CHRM5: variants seen among roughly 807,000 people sequenced by gnomAD.
The protein encoded by CHRM5 is cholinergic receptor muscarinic 5, also known as muscarinic acetylcholine receptor M5.
A neutral mutation model predicts 39.0 loss-of-function variants in CHRM5; 18 were observed. The observed-to-expected ratio is 0.46, with a 90% CI of 0.32 to 0.68. CHRM5 has a LOEUF of 0.68. Among genes scored for constraint, CHRM5 ranks in the 30% least tolerant of loss-of-function variants. The pLI, the probability that CHRM5 is intolerant of heterozygous loss-of-function variation, is 0.04. For missense variants in CHRM5, 515 were observed against 651.1 expected (o/e 0.79, Z 2.28); for synonymous variants, 241 against 246.3 (o/e 0.98, Z 0.20).
intron 1 of CHRM5, among the ~76,000 whole-genome samples, chr15:33,988,794 A>G (rs532239236): frequency 1.0e-3 from 157 of 152,386 alleles, no homozygotes; most frequent in Admixed American, 2.3e-3. Flanking sequence ...TATCCCATGC[A>G]GCAAGAAGGA....
At chr15:34,016,433 C>G (rs1897915623) in intron 1 of CHRM5, among the ~76,000 whole-genome samples, 1 of 152,128 alleles carries the variant, frequency 6.6e-6, no homozygotes, top group African/African-American at 2.4e-5. Flanking sequence ...GGTCAATTAT[C>G]TGCTTCCTGG....
chr15:34,053,591 T>C (rs1900024979), intron 2 of CHRM5, among the ~76,000 whole-genome samples: 1 of 151,964 alleles, frequency 6.6e-6, no homozygotes, highest in Non-Finnish European at 1.5e-5. Context: ...GGATTCCCTA[T>C]TTCATAAATG....
chr15:34,032,786 T>G (rs970046949), intron 1 of CHRM5, among the ~76,000 whole-genome samples: 1 of 152,186 alleles, frequency 6.6e-6, no homozygotes, highest in African/African-American at 2.4e-5. Context: ...CTGGCTGTAT[T>G]CCCCAAGCCT....
At chr15:34,055,245 T>G (rs1264508370) in intron 2 of CHRM5, among the ~76,000 whole-genome samples, 2 of 149,654 alleles carry the variant, frequency 1.3e-5, no homozygotes, top group Non-Finnish European at 3.0e-5. Context: ...GCACCTGTAA[T>G]CCCAGCATTT....
At chr15:33,980,554 C>G (rs1203916764) in intron 1 of CHRM5, among the ~76,000 whole-genome samples, 1 of 152,052 alleles carries the variant, frequency 6.6e-6, no homozygotes, top group African/African-American at 2.4e-5. Flanking sequence ...GTATGGGTAT[C>G]CTGGGAGATC....
At chr15:34,047,062 T>G (rs1248753942) in intron 2 of CHRM5, among the ~76,000 whole-genome samples, 191 bp downstream of exon 2, 1 of 136,810 alleles carries the variant, frequency 7.3e-6, no homozygotes, top group Non-Finnish European at 1.6e-5. Context: ...TTTGTTTTGG[T>G]TTTTTTGTTG....
chr15:33,976,434 C>A (rs2039074728), intron 1 of CHRM5, among the ~76,000 whole-genome samples: 1 of 149,042 alleles, frequency 6.7e-6, no homozygotes, highest in Admixed American at 6.8e-5. Flanking sequence ...TTATTTTAAA[C>A]CAACAACCAA....
intron 1 of CHRM5, among the ~76,000 whole-genome samples, chr15:34,006,233 T>C (rs2140641302): frequency 6.6e-6 from 1 of 150,930 alleles, no homozygotes; most frequent in East Asian, 2.0e-4. Flanking sequence ...ATGGCGTGAA[T>C]CCAGGAGGCG....
chr15:34,055,300 C>A (rs894843380), intron 2 of CHRM5, among the ~76,000 whole-genome samples: 2 of 151,748 alleles, frequency 1.3e-5, no homozygotes, highest in Non-Finnish European at 2.9e-5. Flanking sequence ...GAGTTTGAGA[C>A]CAGCCTGGCC....
In CHRM5 at chr15:34,062,697, C is replaced by A; in HGVS notation, c.-21C>A. ...ACAGCCTAGAACCTAACACTATTTA[C>A]TGTAAAATTTTTGCACCAGGATGGA... On this transcript the variant is annotated 5_prime_UTR_variant, in exon 3 of 3. In the 5' UTR this introduces an upstream ATG that the reference lacks. Coordinates refer to ENST00000383263, the MANE Select transcript of CHRM5 (RefSeq NM_012125.4). 6.3e-7 allele frequency: 1 copy of A among 1,588,626 alleles called. No homozygotes were observed. Among genetic ancestry groups the A allele is most frequent in the Non-Finnish European group, 8.6e-7 (1 of 1,166,418 alleles).
chr15:34,031,361 G>T (rs958377492), intron 1 of CHRM5, among the ~76,000 whole-genome samples: 1 of 151,846 alleles, frequency 6.6e-6, no homozygotes, highest in Non-Finnish European at 1.5e-5. Context: ...TTCTAATAGC[G>T]ACAGGGTTTC....
intron 1 of CHRM5, among the ~76,000 whole-genome samples, chr15:34,013,923 C>T (rs58385931): frequency 0.043 from 6,576 of 152,240 alleles, 461 homozygotes; most frequent in African/African-American, 0.15. Context: ...CTATCTTCCG[C>T]CTGCTGACTC....
chr15:34,038,927 G>A, intron 1 of CHRM5: 1 of 1,100,560 alleles, frequency 9.1e-7, no homozygotes, highest in Non-Finnish European at 1.1e-6. Flanking sequence ...CGCCGCCTCC[G>A]CCGCCGCCTC....
intron 1 of CHRM5, among the ~76,000 whole-genome samples, chr15:33,975,855 G>C (rs1022679792): frequency 6.6e-6 from 1 of 152,132 alleles, no homozygotes; most frequent in African/African-American, 2.4e-5. Flanking sequence ...CCTTGAACCC[G>C]GGCAGCGGAG....
intron 1 of CHRM5, among the ~76,000 whole-genome samples, chr15:33,977,394 C>G (rs189999103): frequency 6.6e-6 from 1 of 152,284 alleles, no homozygotes; most frequent in Admixed American, 6.5e-5. Flanking sequence ...TCATCTCCTC[C>G]TATACTCCCT....
intron 1 of CHRM5, among the ~76,000 whole-genome samples, chr15:33,978,022 G>A (rs1190401528): frequency 2.2e-5 from 3 of 138,646 alleles, no homozygotes; most frequent in South Asian, 2.7e-4. Flanking sequence ...GGGAGGGAGG[G>A]AGGGATGGAA....
chr15:34,063,538 C>T lies in CHRM5; in HGVS notation c.821C>T (p.Ser274Phe). ...RERNQASWSS[S>F]RRSTSTTGKP... Reference sequence around the variant, plus strand: ...AGGAACCAGGCCTCCTGGTCATCCTCCCGCAGGAGCACCTCCACCACTGGG... The same window carrying T: ...AGGAACCAGGCCTCCTGGTCATCCTTCCGCAGGAGCACCTCCACCACTGGG... The change falls in exon 3 of 3, where the codon TCC becomes TTC. Residue 274 changes from serine (S) to phenylalanine (F), a missense_variant. Transcript: ENST00000383263. This position sits in a 1 kb window ranked among gnomAD's most constrained non-coding sequence, Gnocchi z 4.1. 3.7e-6 allele frequency: 6 copies of T among 1,613,628 alleles called. No individual in the cohort carries two copies. Among genetic ancestry groups the T allele is most frequent in the South Asian group, 1.1e-5 (1 of 91,076 alleles).
intron 2 of CHRM5, 135 bp from the exon 3 acceptor site, chr15:34,062,508 T>C (rs1301481702): frequency 2.9e-4 from 142 of 496,202 alleles, no homozygotes; most frequent in Admixed American, 2.6e-4. Flanking sequence ...AGAGCTGAGA[T>C]CGCACCACTG....
chr15:34,021,989 CA>C (rs1403091333), intron 1 of CHRM5, among the ~76,000 whole-genome samples: 4 of 152,208 alleles, frequency 2.6e-5, no homozygotes, highest in Non-Finnish European at 4.4e-5. Context: ...ACAACTACTG[CA>C]AAATTTGTAC....
Sources: gnomAD v4.1 joint callset for allele counts (sites outside exome capture counted in the v4.1 genomes callset) on GRCh38, gnomAD v4.1.1 for gene constraint, Gnocchi (gnomAD v3.1) non-coding constraint, MANE v1.5 for transcripts, NCBI Gene and HGNC (gene_info 2026-07-23, HGNC 2026-07-21) for gene names.